Variants in ARFIP1 observed in about 807,000 individuals in gnomAD.
ARFIP1 encodes the protein arfaptin-1.
In ARFIP1, 24 loss-of-function variants were observed where a neutral mutation model predicts 42.5. That is an observed-to-expected ratio of 0.57 (90% CI 0.41 to 0.80). ARFIP1 has a LOEUF of 0.80. Ranked by LOEUF, ARFIP1 falls within the 30% of genes least tolerant of loss-of-function variation. The pLI, the probability that ARFIP1 is intolerant of heterozygous loss-of-function variation, is 0.00. For synonymous variants in ARFIP1, 141 were observed against 153.7 expected (o/e 0.92, Z 0.61); for missense variants, 354 against 434.0 (o/e 0.82, Z 1.64).
intron 7 of ARFIP1, 41 bp downstream of exon 7, chr4:152,882,921 G>A (rs1735961892): frequency 6.4e-7 from 1 of 1,558,378 alleles, no homozygotes. Context: ...TTTTACAGAT[G>A]GCATATAATT....
intron 1 of ARFIP1, among the ~76,000 whole-genome samples, chr4:152,797,350 T>A (rs1230526733): frequency 6.6e-6 from 1 of 152,222 alleles, no homozygotes; most frequent in Non-Finnish European, 1.5e-5. Context: ...CCCACACTGC[T>A]TTAATTATAG....
At chr4:152,852,235 G>A (rs1212858337) in intron 2 of ARFIP1, among the ~76,000 whole-genome samples, 18 of 152,168 alleles carry the variant, frequency 1.2e-4, no homozygotes, top group Non-Finnish European at 2.1e-4. Context: ...TGGGTCCATT[G>A]TCTCTGAAAT....
intron 8 of ARFIP1, among the ~76,000 whole-genome samples, chr4:152,901,139 A>G (rs1003378994): frequency 1.3e-5 from 2 of 152,250 alleles, no homozygotes; most frequent in African/African-American, 4.8e-5. Context: ...GTGCCTCTGA[A>G]TAGGAAGGTC....
chr4:152,894,893 A>G (rs1443621167), intron 8 of ARFIP1, among the ~76,000 whole-genome samples: 1 of 152,226 alleles, frequency 6.6e-6, no homozygotes, highest in Non-Finnish European at 1.5e-5. Context: ...ACATCACTTA[A>G]TGTTGAGAAA....
At chr4:152,785,542 A>G (rs1730750703) in intron 1 of ARFIP1, among the ~76,000 whole-genome samples, 1 of 152,236 alleles carries the variant, frequency 6.6e-6, no homozygotes, top group South Asian at 2.1e-4. Context: ...GGCTCAAGCG[A>G]TCTTCCCGCC....
At chr4:152,844,087 G>A (rs1218857534) in intron 2 of ARFIP1, among the ~76,000 whole-genome samples, 4 of 152,190 alleles carry the variant, frequency 2.6e-5, no homozygotes, top group Admixed American at 2.6e-4. Context: ...AGCTCCCAGG[G>A]CCTTTCTGCT....
intron 8 of ARFIP1, among the ~76,000 whole-genome samples, chr4:152,903,435 T>A (rs1162880152): frequency 6.6e-6 from 1 of 151,918 alleles, no homozygotes; most frequent in Non-Finnish European, 1.5e-5. Flanking sequence ...GAAAAAAAAA[T>A]AGCTTCTTAT....
At chr4:152,886,994 T>A (rs1736315118) in intron 7 of ARFIP1, among the ~76,000 whole-genome samples, 1 of 152,000 alleles carries the variant, frequency 6.6e-6, no homozygotes, top group South Asian at 2.1e-4. Context: ...ATATAGATTA[T>A]GTTATTTAAA....
chr4:152,791,539 A>C (rs1731145971), intron 1 of ARFIP1, among the ~76,000 whole-genome samples: 2 of 152,172 alleles, frequency 1.3e-5, no homozygotes, highest in South Asian at 4.1e-4. Context: ...CTGTTTTCTG[A>C]ATATAAACCT....
At chr4:152,877,168 C>T (rs759433047) in intron 5 of ARFIP1, among the ~76,000 whole-genome samples, 3 of 152,240 alleles carry the variant, frequency 2.0e-5, no homozygotes, top group East Asian at 1.9e-4. Context: ...GTAGATCCAC[C>T]GATAGCTTGC....
chr4:152,789,898 G>A (rs1376769161), intron 1 of ARFIP1, among the ~76,000 whole-genome samples: 1 of 152,098 alleles, frequency 6.6e-6, no homozygotes, highest in East Asian at 1.9e-4. Flanking sequence ...GGCTCACCTT[G>A]TGTATTACCT....
At chr4:152,785,990 A>G (rs996032836) in intron 1 of ARFIP1, among the ~76,000 whole-genome samples, 1 of 152,212 alleles carries the variant, frequency 6.6e-6, no homozygotes, top group Non-Finnish European at 1.5e-5. Context: ...GATGTGATAC[A>G]TAATTCCTAT....
chr4:152,875,532 CT>C (rs755323321), intron 5 of ARFIP1, among the ~76,000 whole-genome samples: 12 of 151,978 alleles, frequency 7.9e-5, no homozygotes, highest in Non-Finnish European at 1.6e-4. Flanking sequence ...AAACCAGTAT[CT>C]TTTAAACTTT....
intron 1 of ARFIP1, among the ~76,000 whole-genome samples, chr4:152,828,303 G>T (rs1730995689): frequency 6.6e-6 from 1 of 152,176 alleles, no homozygotes; most frequent in Non-Finnish European, 1.5e-5. Context: ...TTTCATAGTG[G>T]CTGTACCAGT....
chr4:152,904,509 G>A (rs1410801431), intron 8 of ARFIP1, among the ~76,000 whole-genome samples: 1 of 151,838 alleles, frequency 6.6e-6, no homozygotes, highest in African/African-American at 2.4e-5. Flanking sequence ...AAATATTAAG[G>A]CCTGAATGCA....
intron 1 of ARFIP1, among the ~76,000 whole-genome samples, chr4:152,787,494 G>A (rs1274506158): frequency 1.3e-5 from 2 of 152,210 alleles, no homozygotes; most frequent in Non-Finnish European, 2.9e-5. Flanking sequence ...ATGCACCTAC[G>A]CAAGCATGCC....
chr4:152,875,618 T>C (rs934008254), intron 5 of ARFIP1, among the ~76,000 whole-genome samples: 5 of 152,202 alleles, frequency 3.3e-5, no homozygotes, highest in Non-Finnish European at 7.3e-5. Flanking sequence ...TTTCCTTTTG[T>C]GCTACCTTCT....
intron 2 of ARFIP1, among the ~76,000 whole-genome samples, chr4:152,851,682 G>C (rs2149866593): frequency 6.6e-6 from 1 of 152,294 alleles, no homozygotes; most frequent in Middle Eastern, 3.4e-3. Context: ...GACAGTACTA[G>C]AGACATGGGA....
intron 8 of ARFIP1, among the ~76,000 whole-genome samples, chr4:152,909,248 G>A (rs1300301399): frequency 6.6e-6 from 1 of 152,062 alleles, no homozygotes; most frequent in Non-Finnish European, 1.5e-5. Context: ...AGCTGGGCAT[G>A]GTGGTGCACA....
Sources: allele counts gnomAD v4.1 joint callset (sites outside exome capture counted in the v4.1 genomes callset), GRCh38; gene constraint gnomAD v4.1.1; transcripts MANE v1.5; gene names NCBI Gene and HGNC (gene_info 2026-07-23, HGNC 2026-07-21).